FBXW8: variants seen among roughly 807,000 people sequenced by gnomAD.
FBXW8 encodes the protein F-box/WD repeat-containing protein 8.
FBXW8 carries 57 observed loss-of-function variants against 65.3 expected under a neutral mutation model. The observed-to-expected ratio is 0.87, with a 90% CI of 0.71 to 1.09. The LOEUF (loss-of-function observed/expected upper bound fraction) is 1.09, where lower values mean the gene tolerates loss of function less well. Among genes scored for constraint, FBXW8 ranks in the 50% least tolerant of loss-of-function variants. The pLI is 0.00. For synonymous variants in FBXW8, 308 were observed against 330.2 expected, an observed-to-expected ratio of 0.93 and a Z score of 0.73; for missense variants, 777 against 814.8, an observed-to-expected ratio of 0.95 and a Z score of 0.57.
intron 4 of FBXW8, among the ~76,000 whole-genome samples, chr12:116,956,574 T>C (rs1235717840): frequency 1.3e-5 from 2 of 152,236 alleles, no homozygotes; most frequent in East Asian, 3.8e-4. Context: ...AATTTATATA[T>C]GTAAAAATTG....
At chr12:116,913,667 T>C (rs1317973037) in intron 1 of FBXW8, among the ~76,000 whole-genome samples, 2 of 152,136 alleles carry the variant, frequency 1.3e-5, no homozygotes, top group Non-Finnish European at 2.9e-5. Context: ...GTCATAGTGG[T>C]GGCAGAGGTG....
At chr12:116,924,688 C>T (rs915922505) in intron 1 of FBXW8, among the ~76,000 whole-genome samples, 2 of 152,086 alleles carry the variant, frequency 1.3e-5, no homozygotes, top group East Asian at 1.9e-4. Context: ...TTCTGCTGCC[C>T]GACAGTAGTA....
intron 2 of FBXW8, among the ~76,000 whole-genome samples, chr12:116,933,994 A>T (rs1257589900): frequency 6.6e-6 from 1 of 152,006 alleles, no homozygotes; most frequent in African/African-American, 2.4e-5. Flanking sequence ...AGTTATGTGG[A>T]ATTGGCACCA....
At chr12:116,947,403 G>T (rs147760258) in intron 3 of FBXW8, among the ~76,000 whole-genome samples, 79 of 152,236 alleles carry the variant, frequency 5.2e-4, no homozygotes, top group Non-Finnish European at 9.4e-4. Flanking sequence ...TTCATTAAAT[G>T]TAATGGTGGG....
At chr12:116,917,710 T>A (rs1328144793) in intron 1 of FBXW8, among the ~76,000 whole-genome samples, 1 of 152,122 alleles carries the variant, frequency 6.6e-6, no homozygotes, top group Non-Finnish European at 1.5e-5. Context: ...AACGCAGGAC[T>A]CACTGGGCAT....
At chr12:116,927,162 G>A (rs1881391412) in intron 1 of FBXW8, among the ~76,000 whole-genome samples, 1 of 152,122 alleles carries the variant, frequency 6.6e-6, no homozygotes, top group Admixed American at 6.5e-5. Context: ...TTGGGAACAG[G>A]CAGAGGGGTA....
chr12:116,992,423 T>TG (rs1466462413), intron 7 of FBXW8, among the ~76,000 whole-genome samples: 7 of 148,394 alleles, frequency 4.7e-5, no homozygotes, highest in African/African-American at 1.7e-4. Context: ...GATCAGAGTT[T>TG]TGTTTTTTTT....
chr12:117,006,405 C>T (rs1021261749), intron 7 of FBXW8, among the ~76,000 whole-genome samples: 3 of 152,182 alleles, frequency 2.0e-5, no homozygotes, highest in Admixed American at 2.0e-4. Context: ...TTGAGCTCAC[C>T]CCGCCTCCCA....
At chr12:116,914,090 G>A (rs1036625965) in intron 1 of FBXW8, among the ~76,000 whole-genome samples, 36 of 152,234 alleles carry the variant, frequency 2.4e-4, no homozygotes, top group Middle Eastern at 3.4e-3. Context: ...GGGCAACATA[G>A]TGAAACCCTG....
At chr12:117,012,254 A>G (rs963901722) in intron 8 of FBXW8, among the ~76,000 whole-genome samples, 1 of 152,150 alleles carries the variant, frequency 6.6e-6, no homozygotes, top group Non-Finnish European at 1.5e-5. Flanking sequence ...AAATCTGACT[A>G]TGTTAAGTCC....
intron 9 of FBXW8, among the ~76,000 whole-genome samples, chr12:117,025,851 A>AT (rs749817465): frequency 6.6e-6 from 1 of 151,862 alleles, no homozygotes; most frequent in Non-Finnish European, 1.5e-5. Context: ...AGTAGATCTC[A>AT]TTTTTCTCTC....
At chr12:116,938,076 A>G (rs910315784) in intron 2 of FBXW8, among the ~76,000 whole-genome samples, 1 of 152,132 alleles carries the variant, frequency 6.6e-6, no homozygotes, top group Non-Finnish European at 1.5e-5. Flanking sequence ...ACAATTAACA[A>G]GATTTCCTCT....
chr12:116,977,564 C>T (rs1885033540), intron 5 of FBXW8: 1 of 152,118 alleles, frequency 6.6e-6, no homozygotes, highest in African/African-American at 2.4e-5. Context: ...AATCTACTAC[C>T]ACCCAGTCCA....
At chr12:116,929,720 T>A (rs1360021744) in intron 2 of FBXW8, among the ~76,000 whole-genome samples, 1 of 152,208 alleles carries the variant, frequency 6.6e-6, no homozygotes, top group Non-Finnish European at 1.5e-5. Context: ...AATCTATCTC[T>A]TAGTGATTTT....
At chr12:116,941,811 C>T (rs1381469610) in intron 2 of FBXW8, among the ~76,000 whole-genome samples, 1 of 151,920 alleles carries the variant, frequency 6.6e-6, no homozygotes, top group African/African-American at 2.4e-5. Flanking sequence ...AATTTCTTTA[C>T]TCTGTTTTTT....
chr12:117,007,132 T>C, intron 7 of FBXW8, among the ~76,000 whole-genome samples: 1 of 152,244 alleles, frequency 6.6e-6, no homozygotes, highest in East Asian at 1.9e-4. Context: ...GAATTTGTTG[T>C]AAGATGTATC....
At chr12:116,957,349 A>AT (rs1397250328) in intron 4 of FBXW8, among the ~76,000 whole-genome samples, 2 of 151,924 alleles carry the variant, frequency 1.3e-5, no homozygotes, top group South Asian at 2.1e-4. Context: ...CTCAAAAAAA[A>AT]TTTTTTTTTA....
Position 117,028,159 on chromosome 12 carries a change from A to T in FBXW8, c.1784A>T (p.Tyr595Phe). 1 of 1,614,108 alleles carries T rather than the reference A, an allele frequency of 6.2e-7. No homozygotes were observed. The highest frequency in any genetic ancestry group is 2.2e-5 in the East Asian group (1 of 44,894). The change falls in exon 11 of 11, where the codon TAT becomes TTT. Residue 595 changes from tyrosine (Y) to phenylalanine (F), a missense_variant. Transcript: ENST00000652555. This position sits in a 1 kb window ranked among gnomAD's most constrained non-coding sequence, Gnocchi z 4.1. ...TACGACCTCGCACTGGCCTTTCCCT[A>T]TAACCATGTTTAGGGATGTGCCTCA... ...HYYDLALAFP[Y>F]NHV
intron 8 of FBXW8, among the ~76,000 whole-genome samples, chr12:117,016,658 C>CTTTTTTTATTTGT (rs1953955073): frequency 7.9e-6 from 1 of 126,206 alleles, no homozygotes. Context: ...TTTTTTTTTT[C>CTTTTTTTATTTGT]CTTTTGTCAT....
Sources: gnomAD v4.1 joint callset for allele counts (sites outside exome capture counted in the v4.1 genomes callset) on GRCh38, gnomAD v4.1.1 for gene constraint, Gnocchi (gnomAD v3.1) non-coding constraint, MANE v1.5 for transcripts, NCBI Gene and HGNC (gene_info 2026-07-23, HGNC 2026-07-21) for gene names.